The following BAZ2B variants were observed in gnomAD, a reference collection of about 807,000 sequenced individuals.
BAZ2B encodes the protein bromodomain adjacent to zinc finger domain protein 2B.
A neutral mutation model predicts 246.0 loss-of-function variants in BAZ2B; 91 were observed. That is an observed-to-expected ratio of 0.37 (90% CI 0.31 to 0.44). The LOEUF (loss-of-function observed/expected upper bound fraction) is 0.44, where lower values mean the gene tolerates loss of function less well. Among genes scored for constraint, BAZ2B ranks in the 20% least tolerant of loss-of-function variants. The probability of loss-of-function intolerance (pLI) is 1.00; values close to 1 mark genes in which losing one functional copy is unlikely to be tolerated. For missense variants in BAZ2B, 2,332 were observed against 2,533.7 expected (o/e 0.92, Z 1.71); for synonymous variants, 855 against 860.0 (o/e 0.99, Z 0.10).
intron 2 of BAZ2B, among the ~76,000 whole-genome samples, chr2:159,490,477 T>C (rs1293486886): frequency 6.6e-6 from 1 of 152,202 alleles, no homozygotes; most frequent in Non-Finnish European, 1.5e-5. Flanking sequence ...ATTGATAATA[T>C]CAAAAGTAAA....
At chr2:159,318,800 T>C (rs912339142), downstream of BAZ2B, among the ~76,000 whole-genome samples, 5 of 151,656 alleles carry the variant, frequency 3.3e-5, no homozygotes, top group Non-Finnish European at 7.3e-5. Context: ...CCAGAGAGGT[T>C]TTCAGGCTAC....
chr2:159,611,997 C>A (rs1694807804), intron 1 of BAZ2B, among the ~76,000 whole-genome samples: 1 of 151,738 alleles, frequency 6.6e-6, no homozygotes, highest in African/African-American at 2.4e-5. Context: ...TAGTATGACA[C>A]CATTTTAGTA....
At chr2:159,341,103 AACT>A (rs1180899069) in intron 31 of BAZ2B, among the ~76,000 whole-genome samples, 1 of 152,138 alleles carries the variant, frequency 6.6e-6, no homozygotes, top group Non-Finnish European at 1.5e-5. Context: ...AACAAGGCCC[AACT>A]ATATGCTGCC....
chr2:159,423,803 T>C (rs547591123), intron 13 of BAZ2B, among the ~76,000 whole-genome samples: 2 of 152,306 alleles, frequency 1.3e-5, no homozygotes, highest in East Asian at 3.9e-4. Context: ...AAGCGAGAGC[T>C]AAACATTGAA....
At chr2:159,543,305 T>C (rs1017739753) in intron 2 of BAZ2B, among the ~76,000 whole-genome samples, 1 of 152,152 alleles carries the variant, frequency 6.6e-6, no homozygotes, top group African/African-American at 2.4e-5. Flanking sequence ...GGTAAAATAA[T>C]AAAAATTTAT....
At chr2:159,594,869 G>T (rs989759247) in intron 1 of BAZ2B, among the ~76,000 whole-genome samples, 2 of 152,150 alleles carry the variant, frequency 1.3e-5, no homozygotes, top group Non-Finnish European at 2.9e-5. Flanking sequence ...CTAAGCTCAA[G>T]CTGTTTGCCT....
At chr2:159,469,151 T>G (rs750387698) in intron 3 of BAZ2B, among the ~76,000 whole-genome samples, 2 of 148,098 alleles carry the variant, frequency 1.4e-5, no homozygotes, top group Non-Finnish European at 3.0e-5. Flanking sequence ...TTGAGAAAAC[T>G]CAATGAAACC....
At chr2:159,400,410 T>C (rs1024593919) in intron 17 of BAZ2B, among the ~76,000 whole-genome samples, 189 bp downstream of exon 17, 1 of 152,204 alleles carries the variant, frequency 6.6e-6, no homozygotes, top group Non-Finnish European at 1.5e-5. Context: ...ATTTTGTATA[T>C]CTTTACTGTT....
At chr2:159,581,105 G>C (rs1686658557) in intron 1 of BAZ2B, among the ~76,000 whole-genome samples, 1 of 152,006 alleles carries the variant, frequency 6.6e-6, no homozygotes, top group South Asian at 2.1e-4. Flanking sequence ...CACAGCAAAA[G>C]AAACTACCAT....
intron 2 of BAZ2B, among the ~76,000 whole-genome samples, chr2:159,554,344 C>G: frequency 6.6e-6 from 1 of 151,970 alleles, no homozygotes; most frequent in East Asian, 1.9e-4. Flanking sequence ...GCACTAGATG[C>G]TAAACAGAAG....
intron 2 of BAZ2B, among the ~76,000 whole-genome samples, chr2:159,549,583 G>A (rs150940410): frequency 6.6e-6 from 1 of 151,904 alleles, no homozygotes; most frequent in Non-Finnish European, 1.5e-5. Flanking sequence ...ACAGTAACAC[G>A]AACGATAGCT....
intron 2 of BAZ2B, among the ~76,000 whole-genome samples, chr2:159,540,677 T>TA (rs1248976273): frequency 6.6e-6 from 1 of 152,206 alleles, no homozygotes; most frequent in Non-Finnish European, 1.5e-5. Context: ...GAATCTTAGT[T>TA]ACAACCAGTA....
In BAZ2B at chr2:159,412,485, C is replaced by T; in HGVS notation, c.2527G>A (p.Gly843Ser). 3 of 1,614,082 alleles carry T rather than the reference C, an allele frequency of 1.9e-6. No individual in the cohort carries two copies. The highest frequency in any genetic ancestry group is 2.5e-6 in the Non-Finnish European group (3 of 1,179,990). ...DVIPRIRAME[G>S]RRGRPPNPDR... ...GGATTTGGTGGTCTTCCTCTACGAC[C>T]TTCCATTGCCCTGATACGAGGAATG... The change falls in exon 14 of 37, where the codon GGT becomes AGT. Residue 843 changes from glycine to serine, a missense_variant. Transcript: ENST00000392783.
chr2:159,590,873 T>A (rs1351596042), intron 1 of BAZ2B, among the ~76,000 whole-genome samples: 4 of 152,200 alleles, frequency 2.6e-5, no homozygotes, highest in Middle Eastern at 3.2e-3. Flanking sequence ...ACAGCACTTT[T>A]AAAAGGCTTC....
chr2:159,685,671 T>C, the BAZ2B span, among the ~76,000 whole-genome samples: 1 of 150,696 alleles, frequency 6.6e-6, no homozygotes, highest in Non-Finnish European at 1.5e-5. Context: ...TGGCCAATGC[T>C]GGAATAATTT....
upstream of BAZ2B, among the ~76,000 whole-genome samples, chr2:159,618,442 A>G (rs1244220263): frequency 1.3e-5 from 2 of 152,158 alleles, no homozygotes; most frequent in Non-Finnish European, 2.9e-5. Context: ...CTGTACATGT[A>G]TGACTGGGTC....
At chr2:159,678,946 T>G in the BAZ2B span, among the ~76,000 whole-genome samples, 1 of 152,198 alleles carries the variant, frequency 6.6e-6, no homozygotes, top group Non-Finnish European at 1.5e-5. Flanking sequence ...GAGAATAGTT[T>G]CTATGCTGCA....
At chr2:159,700,840 TCTAA>T in the BAZ2B span, among the ~76,000 whole-genome samples, 11,631 of 152,222 alleles carry the variant, frequency 0.076, 925 homozygotes, top group African/African-American at 0.2. Flanking sequence ...ATGAATTCTA[TCTAA>T]CTTAAGTTCC....
In BAZ2B at chr2:159,397,394, A is replaced by T; in HGVS notation, c.2965-5T>A. Reference sequence around the variant, plus strand: ...TTGTCTTCTCATTTCTTTTTCCTTAAAAATAAGAAACTTTTAATACGTGAT... The same window carrying T: ...TTGTCTTCTCATTTCTTTTTCCTTATAAATAAGAAACTTTTAATACGTGAT... On this transcript the variant is annotated splice_polypyrimidine_tract_variant and splice_region_variant and intron_variant, in intron 18 of 36. Coordinates refer to ENST00000392783, the MANE Select transcript of BAZ2B (RefSeq NM_013450.4). 6.5e-7 allele frequency: 1 copy of T among 1,530,958 alleles called. No individual in the cohort carries two copies. Among genetic ancestry groups the T allele is most frequent in the Non-Finnish European group, 8.9e-7 (1 of 1,120,060 alleles). 94.8% of individuals were successfully genotyped at this position (1,530,958 alleles called of 1,614,324 possible).
Sources: gnomAD v4.1 joint callset for allele counts (sites outside exome capture counted in the v4.1 genomes callset) on GRCh38, gnomAD v4.1.1 for gene constraint, MANE v1.5 for transcripts, NCBI Gene and HGNC (gene_info 2026-07-23, HGNC 2026-07-21) for gene names.